The following CDH4 variants were observed in gnomAD, a reference collection of about 807,000 sequenced individuals.
The protein encoded by CDH4 is cadherin-4.
CDH4 carries 33 observed loss-of-function variants against 86.0 expected under a neutral mutation model. That is an observed-to-expected ratio of 0.38 (90% CI 0.29 to 0.51). CDH4 has a LOEUF of 0.51. CDH4 is among the 20% of genes least tolerant of loss of function. CDH4 has a pLI of 0.86. For synonymous variants in CDH4, 555 were observed against 549.4 expected (o/e 1.01, Z -0.14); for missense variants, 1,114 against 1,307.4 (o/e 0.85, Z 2.28).
At chr20:61,892,754 G>A (rs1162604248) in intron 7 of CDH4, among the ~76,000 whole-genome samples, 1 of 152,156 alleles carries the variant, frequency 6.6e-6, no homozygotes, top group Non-Finnish European at 1.5e-5. Flanking sequence ...TCCACAAATT[G>A]GCAATTTGGG....
chr20:61,720,090 G>A (rs2088016617), intron 2 of CDH4, among the ~76,000 whole-genome samples: 1 of 152,156 alleles, frequency 6.6e-6, no homozygotes, highest in Non-Finnish European at 1.5e-5. Flanking sequence ...GGTGGGGGTT[G>A]GGGAGTGCCG....
chr20:61,605,159 CCCCTGCCTG>C (rs2086632964), intron 2 of CDH4, among the ~76,000 whole-genome samples: 1 of 135,752 alleles, frequency 7.4e-6, no homozygotes, highest in African/African-American at 3.6e-5. Flanking sequence ...GAAGTAATGA[CCCCTGCCTG>C]CCACTGGGCA....
At chr20:61,469,320 G>T (rs1479061288) in intron 2 of CDH4, among the ~76,000 whole-genome samples, 3 of 152,114 alleles carry the variant, frequency 2.0e-5, no homozygotes, top group Admixed American at 6.5e-5. Flanking sequence ...GTGATACTGA[G>T]CACATTTCCA....
At chr20:61,800,412 G>A (rs1280626103) in intron 4 of CDH4, among the ~76,000 whole-genome samples, 2 of 152,256 alleles carry the variant, frequency 1.3e-5, no homozygotes, top group African/African-American at 2.4e-5. Flanking sequence ...CCCAGCTTCA[G>A]GGCCACTGTC....
chr20:61,288,007 C>T (rs1600836662), intron 2 of CDH4, among the ~76,000 whole-genome samples: 2 of 152,144 alleles, frequency 1.3e-5, no homozygotes, highest in Non-Finnish European at 2.9e-5. Context: ...AATATGAGTT[C>T]CACAGCACGA....
At chr20:61,258,720 G>A (rs2084114388) in intron 2 of CDH4, among the ~76,000 whole-genome samples, 1 of 152,226 alleles carries the variant, frequency 6.6e-6, no homozygotes, top group Non-Finnish European at 1.5e-5. Context: ...TCATGTGCCT[G>A]CCTAATCCTC....
At chr20:61,553,416 G>C (rs558575014) in intron 2 of CDH4, among the ~76,000 whole-genome samples, 7 of 152,332 alleles carry the variant, frequency 4.6e-5, no homozygotes, top group African/African-American at 1.7e-4. Flanking sequence ...CCACCTAAAT[G>C]CGTGGATTTA....
intron 2 of CDH4, among the ~76,000 whole-genome samples, chr20:61,420,907 A>T (rs769181245): frequency 1.3e-5 from 2 of 152,204 alleles, no homozygotes; most frequent in Non-Finnish European, 2.9e-5. Context: ...ACGGGGGACG[A>T]TAGGACAGGG....
In CDH4 at chr20:61,539,699, G is replaced by C. The variant is rs572711180; in HGVS notation, c.170-203864G>C. 3.9e-5 allele frequency among the ~76,000 whole-genome samples: 6 copies of C among 152,338 alleles called. No homozygotes were observed. The East Asian group carries it at 1.2e-3, about 29-fold the overall frequency. On this transcript the variant is annotated intron_variant, in intron 2 of 15. Transcript: ENST00000614565. ...CAGAGCACAGTCTGCCCTGGGCAGT[G>C]GTCCGCCAAGCATTGGCTTGGGGCT...
chr20:61,523,703 G>A (rs992670883), intron 2 of CDH4, among the ~76,000 whole-genome samples: 6 of 152,228 alleles, frequency 3.9e-5, no homozygotes, highest in African/African-American at 1.4e-4. Context: ...CGCTTCCGCC[G>A]CCCATTTAGG....
At chr20:61,260,694 A>G (rs892776452) in intron 2 of CDH4, among the ~76,000 whole-genome samples, 6 of 152,210 alleles carry the variant, frequency 3.9e-5, no homozygotes, top group Admixed American at 6.5e-5. Flanking sequence ...GGGATCCCCA[A>G]AAATGGGCAC....
chr20:61,259,361 G>A (rs1273368088), intron 2 of CDH4, among the ~76,000 whole-genome samples: 10 of 152,162 alleles, frequency 6.6e-5, no homozygotes. Flanking sequence ...AACCACCTCT[G>A]CATAGATAGG....
rs763786186 is a variant in CDH4 at position 61,923,640 on chromosome 20, C to G, written c.1564C>G (p.Pro522Ala). The change falls in exon 10 of 16, where the codon CCC becomes GCC. Residue 522 changes from proline (P) to alanine (A), a missense_variant. This residue lies in a region of CDH4 where 705 missense variants were observed against 914.1 expected (regional missense o/e 0.77). Transcript: ENST00000614565. Reference sequence around the variant, plus strand: ...GATCCGCCTGGAGGAGGGCGTGCCCCCCGGCACCGTGCTGACCACGTTTTC... The same window carrying G: ...GATCCGCCTGGAGGAGGGCGTGCCCGCCGGCACCGTGCTGACCACGTTTTC... ...KLIRLEEGVP[P>A]GTVLTTFSAV... The G allele has an allele frequency of 1.9e-6, 3 of 1,614,112 alleles. No homozygotes were observed. The highest frequency in any genetic ancestry group is 2.5e-6 in the Non-Finnish European group (3 of 1,180,044).
At chr20:61,588,326 A>G (rs2086493417) in intron 2 of CDH4, among the ~76,000 whole-genome samples, 1 of 152,208 alleles carries the variant, frequency 6.6e-6, no homozygotes, top group African/African-American at 2.4e-5. Flanking sequence ...AGCCTCCATC[A>G]GTCAAGTGAT....
chr20:61,571,066 G>T (rs897516674), intron 2 of CDH4, among the ~76,000 whole-genome samples: 1 of 152,216 alleles, frequency 6.6e-6, no homozygotes, highest in Non-Finnish European at 1.5e-5. Context: ...CAAGGCCTGT[G>T]CAAGGTGGTG....
chr20:61,314,510 G>A (rs2427070), intron 2 of CDH4, among the ~76,000 whole-genome samples: 150,920 of 152,300 alleles, frequency 0.99, 74,795 homozygotes, highest in South Asian at 1. Context: ...TCATTTGTCT[G>A]TTCGCCCACC....
Position 61,852,465 on chromosome 20 carries a change from C to T in CDH4, c.733-289C>T, listed in dbSNP as rs1292530119. Among the ~76,000 whole-genome samples the T allele has an allele frequency of 2.0e-5, 3 of 152,258 alleles. No homozygotes were observed. The East Asian group carries it at 5.8e-4, about 29-fold the overall frequency. On this transcript the variant is annotated intron_variant, in intron 5 of 15. Transcript: ENST00000614565. ...GTCGGTGGCTCACGGAACAGTCGGG[C>T]AGGCATGGGAGGTCCTGGGTGGGCC...
intron 2 of CDH4, among the ~76,000 whole-genome samples, chr20:61,546,084 ACGT>A (rs1568886631): frequency 0.027 from 14 of 514 alleles, no homozygotes; most frequent in South Asian, 0.1. Context: ...GTTTGTTCAC[ACGT>A]GTGTGTGTGG....
At chr20:61,793,953 A>G (rs1252646882) in intron 4 of CDH4, among the ~76,000 whole-genome samples, 1 of 148,018 alleles carries the variant, frequency 6.8e-6, no homozygotes. Flanking sequence ...CCTGACTAAC[A>G]CGGTGAAACC....
Sources: allele counts gnomAD v4.1 joint callset (sites outside exome capture counted in the v4.1 genomes callset), GRCh38; gene constraint gnomAD v4.1.1; regional missense constraint gnomAD v4.1.1; transcripts MANE v1.5; gene names NCBI Gene and HGNC (gene_info 2026-07-23, HGNC 2026-07-21).